The following DNAH8 variants were observed in gnomAD, a reference collection of about 807,000 sequenced individuals.
The protein encoded by DNAH8 is axonemal beta dynein heavy chain 8.
In DNAH8, 382 loss-of-function variants were observed where a neutral mutation model predicts 562.1. That is an observed-to-expected ratio of 0.68 (90% CI 0.63 to 0.74). The LOEUF (loss-of-function observed/expected upper bound fraction) is 0.74, where lower values mean the gene tolerates loss of function less well. Ranked by LOEUF, DNAH8 falls within the 30% of genes least tolerant of loss-of-function variation. The pLI is 0.00. For synonymous variants in DNAH8, 1,881 were observed against 1,919.4 expected, an observed-to-expected ratio of 0.98 and a Z score of 0.52; for missense variants, 5,203 against 5,620.4, an observed-to-expected ratio of 0.93 and a Z score of 2.37.
At chr6:38,730,121 A>T in intron 4 of DNAH8, 135 bp downstream of exon 4, 1 of 561,482 alleles carries the variant, frequency 1.8e-6, no homozygotes, top group Non-Finnish European at 3.1e-6. Context: ...TAAGAAATAT[A>T]GTGTCTCAAG....
intron 7 of DNAH8, among the ~76,000 whole-genome samples, chr6:38,738,205 G>T (rs1240834027): frequency 6.6e-6 from 1 of 152,146 alleles, no homozygotes; most frequent in Non-Finnish European, 1.5e-5. Context: ...AACAATATGG[G>T]TTGAGAATGA....
intron 77 of DNAH8, chr6:38,936,430 T>C (rs1782976370): frequency 6.6e-6 from 1 of 152,016 alleles, no homozygotes. Flanking sequence ...CCAAAGAAAA[T>C]AAAATCAACA....
At chr6:38,869,744 AT>A (rs1229221887) in intron 48 of DNAH8, among the ~76,000 whole-genome samples, 3 of 152,168 alleles carry the variant, frequency 2.0e-5, no homozygotes, top group Non-Finnish European at 4.4e-5. Context: ...ACAAATTATC[AT>A]TTTTAAGGTT....
In DNAH8 at chr6:38,862,683, G is replaced by A. The variant is rs862421; in HGVS notation, c.6310+225G>A. On this transcript the variant is annotated intron_variant, in intron 44 of 92. Transcript: ENST00000327475. The stretch of plus-strand genomic sequence containing the variant: ...GTTATAGTCTATGCATGGAATGTGT[G>A]TTAGATTACGAAAATGGAATCAATC... 0.065 allele frequency among the ~76,000 whole-genome samples: 9,913 copies of A among 152,150 alleles called. 1,008 individuals are homozygous for A. The highest frequency in any genetic ancestry group is 0.22 in the African/African-American group (8,971 of 41,432).
chr6:38,862,463 G>C lies in DNAH8; in HGVS notation c.6310+5G>C, dbSNP rs575437006. 3.7e-6 allele frequency: 6 copies of C among 1,601,904 alleles called. No individual in the cohort carries two copies. In the Admixed American group the frequency reaches 7.0e-5, roughly 19 times the overall value. On this transcript the variant is annotated splice_donor_5th_base_variant and intron_variant, in intron 44 of 92. Coordinates refer to ENST00000327475, the MANE Select transcript of DNAH8 (RefSeq NM_001206927.2). Reference sequence around the variant, plus strand: ...GCCTAGGAAGGATTTTCAAAGGCAAGTGTCAAATAATGTAGATTATTTTAG... The same window carrying C: ...GCCTAGGAAGGATTTTCAAAGGCAACTGTCAAATAATGTAGATTATTTTAG...
intron 92 of DNAH8, among the ~76,000 whole-genome samples, chr6:39,029,722 G>A (rs1166105894): frequency 1.3e-5 from 2 of 152,176 alleles, no homozygotes; most frequent in African/African-American, 4.8e-5. Flanking sequence ...GGCAGGCTGA[G>A]ATCCCACCTG....
At chr6:38,834,487 T>A (rs1057254679) in intron 31 of DNAH8, 92 bp from the exon 32 acceptor site, 2 of 839,734 alleles carry the variant, frequency 2.4e-6, no homozygotes, top group African/African-American at 3.5e-5. Flanking sequence ...AAAAAATGCT[T>A]GTTTACTTAA....
At position 38,786,908 on chromosome 6, in the gene DNAH8, C is replaced by A; in HGVS notation, c.2539C>A (p.Leu847Ile). Reference protein sequence around the residue: ...LDVPEQAKRLLKLESKLKADK... With the variant: ...LDVPEQAKRLIKLESKLKADK... ...TGTACCAGAACAGGCAAAGAGATTG[C>A]TAAAATTGGAAAGTAAATTGAAAGC... Residue 847 changes from leucine to isoleucine, a missense_variant, in exon 18 of 93, where the codon CTA (leucine) becomes ATA (isoleucine). Leu to Ile is a conservative substitution (Grantham distance 5). This residue lies in a region of DNAH8 where 2,176 missense variants were observed against 2,365.1 expected (regional missense o/e 0.92). Transcript: ENST00000327475. 1 of 1,608,056 alleles carries A rather than the reference C, an allele frequency of 6.2e-7. No individual in the cohort carries two copies. Among genetic ancestry groups the A allele is most frequent in the Non-Finnish European group, 8.5e-7 (1 of 1,177,192 alleles).
intron 16 of DNAH8, among the ~76,000 whole-genome samples, chr6:38,781,683 G>A (rs1768628541): frequency 6.6e-6 from 1 of 152,084 alleles, no homozygotes; most frequent in Admixed American, 6.5e-5. Flanking sequence ...AAACAATAAA[G>A]TACAGGCCTA....
intron 21 of DNAH8, among the ~76,000 whole-genome samples, chr6:38,800,784 A>C (rs1158029149): frequency 6.6e-6 from 1 of 152,122 alleles, no homozygotes; most frequent in Non-Finnish European, 1.5e-5. Flanking sequence ...TGCCTCCCAA[A>C]GTGCTGGGAT....
At chr6:38,869,008 A>G (rs1372135422) in intron 48 of DNAH8, among the ~76,000 whole-genome samples, 1 of 152,192 alleles carries the variant, frequency 6.6e-6, no homozygotes, top group Non-Finnish European at 1.5e-5. Flanking sequence ...GCTGATGGAC[A>G]GGTTCATGTG....
intron 8 of DNAH8, among the ~76,000 whole-genome samples, chr6:38,749,823 T>C (rs1765275727): frequency 6.6e-6 from 1 of 152,186 alleles, no homozygotes; most frequent in South Asian, 2.1e-4. Context: ...TTTTGAATAA[T>C]GTTCTTTTTT....
At position 38,778,411 on chromosome 6, in the gene DNAH8, C is replaced by T. The variant is rs775930179; in HGVS notation, c.1986C>T (p.Asn662=). ...GLEVQIQAFM[N]SSFGKILSSQ... ...AGGTACAAATACAGGCATTTATGAA[C>T]AGTAGTTTTGGGAAAATCTTATCTT... Residue 662 remains asparagine (N), a synonymous_variant, in exon 14 of 93, where the codon AAC becomes AAT. Coordinates refer to ENST00000327475, the MANE Select transcript of DNAH8 (RefSeq NM_001206927.2). 2.2e-5 allele frequency: 34 copies of T among 1,581,044 alleles called. 1 individual carries two copies. The South Asian group carries it at 3.7e-4, about 17-fold the overall frequency.
At chr6:38,749,990 G>A (rs1435051174) in intron 8 of DNAH8, among the ~76,000 whole-genome samples, 2 of 152,078 alleles carry the variant, frequency 1.3e-5, no homozygotes, top group Non-Finnish European at 2.9e-5. Flanking sequence ...CCGCCGCCAC[G>A]CCCAGCTAAT....
At position 38,872,790 on chromosome 6, in the gene DNAH8, C is replaced by T; in HGVS notation, c.7237+8C>T. 1 of 1,613,932 alleles carries T rather than the reference C, an allele frequency of 6.2e-7. No individual in the cohort carries two copies. Among genetic ancestry groups the T allele is most frequent in the Non-Finnish European group, 8.5e-7 (1 of 1,179,904 alleles). On this transcript the variant is annotated splice_region_variant and intron_variant, in intron 50 of 92. Transcript: ENST00000327475. ...CATTAAAAGCTAAAAAAGGTATACA[C>T]AAACCTCCTTTGTGATCATTTTTTC...
Position 38,982,363 on chromosome 6 carries a change from C to A in DNAH8, c.12852C>A (p.Gly4284=). 6.3e-7 allele frequency: 1 copy of A among 1,598,110 alleles called. No individual in the cohort carries two copies. The highest frequency in any genetic ancestry group is 8.6e-7 in the Non-Finnish European group (1 of 1,167,114). Residue 4284 remains glycine (G), a synonymous_variant, in exon 86 of 93, where the codon GGC becomes GGA. Coordinates refer to ENST00000327475, the MANE Select transcript of DNAH8 (RefSeq NM_001206927.2). ...HSTVQERRKF[G]PLGWNIPYEF... is the part of the protein sequence containing the mutation. ...TTTTTAAGGAGCGACGAAAATTTGG[C>A]CCCTTAGGATGGAATATTCCCTACG...
chr6:38,834,426 A>G (rs530167596), intron 31 of DNAH8, among the ~76,000 whole-genome samples, 153 bp from the exon 32 acceptor site: 1 of 152,296 alleles, frequency 6.6e-6, no homozygotes, highest in East Asian at 1.9e-4. Context: ...TAAAGCTGTT[A>G]GAAATAAATA....
At chr6:38,759,224 C>T (rs1044332479) in intron 10 of DNAH8, among the ~76,000 whole-genome samples, 1 of 152,002 alleles carries the variant, frequency 6.6e-6, no homozygotes, top group Admixed American at 6.6e-5. Flanking sequence ...AGGAGGATCC[C>T]TTGAGCCTGG....
Position 38,750,053 on chromosome 6 carries a change from C to T in DNAH8, c.1294-423C>T, listed in dbSNP as rs186853135. ...TTCACCGTGTTAGCTAGGATGGTCT[C>T]GATCTCCTGACCTTGTGATCCGCCC... On this transcript the variant is annotated intron_variant, in intron 8 of 92. Coordinates refer to ENST00000327475, the MANE Select transcript of DNAH8 (RefSeq NM_001206927.2). Among the ~76,000 whole-genome samples, 4 of 152,236 alleles carry T rather than the reference C, an allele frequency of 2.6e-5. No individual in the cohort carries two copies. The East Asian group carries it at 5.8e-4, about 22-fold the overall frequency.
Sources: gnomAD v4.1 joint callset for allele counts (sites outside exome capture counted in the v4.1 genomes callset) on GRCh38, gnomAD v4.1.1 for gene constraint, gnomAD v4.1.1 regional missense constraint, MANE v1.5 for transcripts, NCBI Gene and HGNC (gene_info 2026-07-23, HGNC 2026-07-21) for gene names.